The following BRD10 variants were observed in gnomAD, a reference collection of about 807,000 sequenced individuals.
BRD10 encodes bromodomain containing 10.
At chr9:5,880,247 AAAAC>A in the BRD10 span, among the ~76,000 whole-genome samples, 3 of 151,864 alleles carry the variant, frequency 2.0e-5, no homozygotes, top group African/African-American at 7.2e-5. Context: ...AAAAAATAAA[AAAAC>A]AAGCCAAATC....
the BRD10 span, among the ~76,000 whole-genome samples, chr9:5,995,158 C>A: frequency 6.6e-6 from 1 of 152,212 alleles, no homozygotes; most frequent in African/African-American, 2.4e-5. Flanking sequence ...GCCTTGGCAT[C>A]CCAAATTGCT....
chr9:5,974,800 C>G, the BRD10 span, among the ~76,000 whole-genome samples: 3 of 152,148 alleles, frequency 2.0e-5, no homozygotes, highest in African/African-American at 7.2e-5. Flanking sequence ...TCCCACTAAC[C>G]ATGCTAGAAA....
At chr9:5,974,233 A>T in the BRD10 span, among the ~76,000 whole-genome samples, 1 of 152,212 alleles carries the variant, frequency 6.6e-6, no homozygotes. Context: ...CAGTATCTTT[A>T]AAGTGCTGAA....
the BRD10 span, among the ~76,000 whole-genome samples, chr9:5,905,474 G>A: frequency 2.4e-4 from 36 of 152,272 alleles, no homozygotes; most frequent in Admixed American, 1.2e-3. Context: ...TGCAAGGAAA[G>A]GGTTAAATCA....
chr9:6,007,725 C>A, the BRD10 span: 2 of 1,599,930 alleles, frequency 1.3e-6, no homozygotes, highest in South Asian at 2.2e-5. Context: ...CTTCGGCCGC[C>A]GGTGGCGGCC....
chr9:5,966,490 T>A, the BRD10 span, among the ~76,000 whole-genome samples: 5 of 131,780 alleles, frequency 3.8e-5, no homozygotes, highest in African/African-American at 1.4e-4. Context: ...GACAGAGTCT[T>A]GCTCTGTTGA....
the BRD10 span, among the ~76,000 whole-genome samples, chr9:5,954,533 G>C: frequency 6.6e-6 from 1 of 152,186 alleles, no homozygotes; most frequent in African/African-American, 2.4e-5. Flanking sequence ...AGCCTAATGT[G>C]AAAATCCCCT....
At chr9:5,975,222 C>T in the BRD10 span, among the ~76,000 whole-genome samples, 9 of 150,846 alleles carry the variant, frequency 6.0e-5, no homozygotes, top group African/African-American at 1.2e-4. Flanking sequence ...GATCACTTGA[C>T]GTCAGGAGTT....
At chr9:5,920,011 TG>T in the BRD10 span, 1 of 1,613,934 alleles carries the variant, frequency 6.2e-7, no homozygotes, top group Non-Finnish European at 8.5e-7. Flanking sequence ...GTACAGGAGG[TG>T]GAACAGGAAC....
At chr9:5,932,420 A>G in the BRD10 span, among the ~76,000 whole-genome samples, 5 of 152,198 alleles carry the variant, frequency 3.3e-5, no homozygotes, top group Non-Finnish European at 7.4e-5. Flanking sequence ...AATAATTTGG[A>G]AGAAAAAAAA....
At chr9:5,921,803 T>G in the BRD10 span, 3 of 1,614,006 alleles carry the variant, frequency 1.9e-6, no homozygotes, top group Non-Finnish European at 2.5e-6. Context: ...AATAGAGGAC[T>G]TCAAGGGAGA....
chr9:6,003,282 C>T, the BRD10 span, among the ~76,000 whole-genome samples: 1 of 152,200 alleles, frequency 6.6e-6, no homozygotes, highest in Non-Finnish European at 1.5e-5. Flanking sequence ...AAGCCATCTT[C>T]AGCCTACATG....
chr9:5,981,100 A>G, the BRD10 span, among the ~76,000 whole-genome samples: 1 of 152,228 alleles, frequency 6.6e-6, no homozygotes, highest in Non-Finnish European at 1.5e-5. Context: ...CTCTAGATCC[A>G]TTCTCCATCC....
the BRD10 span, among the ~76,000 whole-genome samples, chr9:5,890,511 G>A: frequency 6.6e-6 from 1 of 152,156 alleles, no homozygotes; most frequent in South Asian, 2.1e-4. Context: ...GAAAGGGATA[G>A]ATGAAATTTT....
the BRD10 span, chr9:5,891,140 C>T: frequency 1.3e-5 from 2 of 152,164 alleles, no homozygotes; most frequent in Non-Finnish European, 2.9e-5. Flanking sequence ...TCCAACACTA[C>T]CAAGAAGAAA....
At chr9:5,917,609 AGATCACCTGAGGTGGGCG>A in the BRD10 span, among the ~76,000 whole-genome samples, 1 of 152,214 alleles carries the variant, frequency 6.6e-6, no homozygotes, top group Non-Finnish European at 1.5e-5. Flanking sequence ...CAAGGTGGGC[AGATCACCTGAGGTGGGCG>A]GATCACCTGA....
the BRD10 span, among the ~76,000 whole-genome samples, chr9:5,941,276 T>C: frequency 6.6e-6 from 1 of 152,204 alleles, no homozygotes; most frequent in Admixed American, 6.5e-5. Flanking sequence ...ATTTTCTACA[T>C]TAAAACAGGT....
the BRD10 span, among the ~76,000 whole-genome samples, chr9:5,937,497 T>C: frequency 1.3e-5 from 2 of 152,122 alleles, no homozygotes; most frequent in African/African-American, 2.4e-5. Context: ...ATCATGCCAC[T>C]GCACTCCAGC....
chr9:5,913,672 T>C, the BRD10 span, among the ~76,000 whole-genome samples: 1 of 152,174 alleles, frequency 6.6e-6, no homozygotes, highest in Non-Finnish European at 1.5e-5. Context: ...ACATGGATGA[T>C]GGCAACTTGA....
Sources: gnomAD v4.1 joint callset for allele counts (sites outside exome capture counted in the v4.1 genomes callset) on GRCh38, gnomAD v4.1.1 for gene constraint, MANE v1.5 for transcripts, NCBI Gene and HGNC (gene_info 2026-07-23, HGNC 2026-07-21) for gene names.